NREP: variants seen among roughly 807,000 people sequenced by gnomAD.
The protein encoded by NREP is neuronal regeneration related protein.
NREP carries 5 observed loss-of-function variants against 8.6 expected under a neutral mutation model. That is an observed-to-expected ratio of 0.58 (90% CI 0.30 to 1.22). The LOEUF (loss-of-function observed/expected upper bound fraction) is 1.22, where lower values mean the gene tolerates loss of function less well. Among genes scored for constraint, NREP ranks in the 50% most tolerant of loss-of-function variants. NREP has a pLI of 0.07. For missense variants in NREP, 86 were observed against 82.5 expected (o/e 1.04, Z -0.17); for synonymous variants, 27 against 28.0 (o/e 0.96, Z 0.11).
At chr5:111,830,717 G>A (rs1752747395) in intron 2 of NREP, among the ~76,000 whole-genome samples, 1 of 152,170 alleles carries the variant, frequency 6.6e-6, no homozygotes, top group Admixed American at 6.5e-5. Context: ...AGGAATTTCA[G>A]GGAGATGAAC....
At chr5:111,957,616 T>C (rs574483775) in intron 2 of NREP, among the ~76,000 whole-genome samples, 1 of 151,906 alleles carries the variant, frequency 6.6e-6, no homozygotes, top group Non-Finnish European at 1.5e-5. Context: ...AAAGGATTTA[T>C]AATCCATTTT....
intron 2 of NREP, among the ~76,000 whole-genome samples, chr5:111,773,090 G>C (rs1751274675): frequency 6.6e-6 from 1 of 152,028 alleles, no homozygotes; most frequent in Non-Finnish European, 1.5e-5. Context: ...ACAATAGATT[G>C]TGCAAGTCAT....
intron 2 of NREP, among the ~76,000 whole-genome samples, chr5:111,753,841 C>T (rs960913684): frequency 6.6e-6 from 1 of 151,562 alleles, no homozygotes; most frequent in African/African-American, 2.4e-5. Flanking sequence ...CTTGATTTTG[C>T]CAAAAGGCAG....
intron 2 of NREP, among the ~76,000 whole-genome samples, chr5:111,797,714 G>C (rs777652524): frequency 6.6e-6 from 1 of 152,260 alleles, no homozygotes; most frequent in East Asian, 1.9e-4. Context: ...TGAAATGAGA[G>C]AGCTGGTAGC....
At chr5:111,901,621 G>A (rs1436325979) in intron 2 of NREP, among the ~76,000 whole-genome samples, 3 of 152,030 alleles carry the variant, frequency 2.0e-5, no homozygotes, top group East Asian at 1.9e-4. Flanking sequence ...AAAGTTTTAC[G>A]ATGCAAAATC....
intron 2 of NREP, among the ~76,000 whole-genome samples, chr5:111,772,442 T>G (rs1751253468): frequency 6.6e-6 from 1 of 152,178 alleles, no homozygotes; most frequent in Non-Finnish European, 1.5e-5. Flanking sequence ...AACTTTTGTT[T>G]AAAAAATGTG....
At chr5:111,973,715 T>C (rs1054451488) in intron 2 of NREP, among the ~76,000 whole-genome samples, 5 of 152,244 alleles carry the variant, frequency 3.3e-5, no homozygotes, top group African/African-American at 1.2e-4. Context: ...TCTGTTATTT[T>C]TGTGATTTAG....
intron 2 of NREP, among the ~76,000 whole-genome samples, chr5:111,902,556 A>T (rs897770024): frequency 2.0e-5 from 3 of 152,214 alleles, no homozygotes; most frequent in Non-Finnish European, 4.4e-5. Flanking sequence ...AAGTGGTCCA[A>T]AGTTAAAGCA....
chr5:111,786,683 G>C (rs1182818628), intron 2 of NREP, among the ~76,000 whole-genome samples: 1 of 152,164 alleles, frequency 6.6e-6, no homozygotes, highest in African/African-American at 2.4e-5. Flanking sequence ...TATGGTAAAT[G>C]TACAATTTGT....
At chr5:111,915,238 C>G (rs1561343255) in intron 2 of NREP, among the ~76,000 whole-genome samples, 1 of 152,080 alleles carries the variant, frequency 6.6e-6, no homozygotes. Context: ...AATGAAAGTC[C>G]AGTGTTCTGG....
At chr5:111,952,515 T>C (rs892974318) in intron 2 of NREP, among the ~76,000 whole-genome samples, 5 of 152,180 alleles carry the variant, frequency 3.3e-5, no homozygotes, top group African/African-American at 1.2e-4. Flanking sequence ...GCAGTCCTCT[T>C]CCTTGTGGAT....
At chr5:111,920,770 C>A (rs373539277) in intron 2 of NREP, among the ~76,000 whole-genome samples, 74 of 152,232 alleles carry the variant, frequency 4.9e-4, no homozygotes, top group African/African-American at 1.8e-3. Flanking sequence ...TCCTACTGCA[C>A]ATTTATAAAA....
At chr5:111,751,224 C>T (rs1750341878) in intron 2 of NREP, among the ~76,000 whole-genome samples, 1 of 152,144 alleles carries the variant, frequency 6.6e-6, no homozygotes, top group South Asian at 2.1e-4. Context: ...GAAAGAAATG[C>T]ATATGATCCA....
chr5:111,765,403 T>C (rs896584651), intron 2 of NREP, among the ~76,000 whole-genome samples: 2 of 152,200 alleles, frequency 1.3e-5, no homozygotes, highest in Non-Finnish European at 2.9e-5. Flanking sequence ...AAATCATGAC[T>C]AGACTGCATA....
At chr5:111,777,634 T>C (rs888456423) in intron 2 of NREP, among the ~76,000 whole-genome samples, 1 of 151,876 alleles carries the variant, frequency 6.6e-6, no homozygotes, top group South Asian at 2.1e-4. Context: ...GTAACAAGAG[T>C]GTTTTGAGCT....
rs572465213 is a variant in NREP at position 111,960,944 on chromosome 5, A to T, written c.135+14330T>A. ...CAATCTATGAGCCAAAATAACTTCC[A>T]ACATTATGAAATATTTTTAAAACAT... On this transcript the variant is annotated intron_variant, in intron 2 of 3. Transcript: ENST00000395634. 2.8e-4 allele frequency among the ~76,000 whole-genome samples: 43 copies of T among 152,356 alleles called. No individual in the cohort carries two copies. In the South Asian group the frequency reaches 8.7e-3, roughly 31 times the overall value.
At chr5:111,861,622 G>C (rs1753545865) in intron 2 of NREP, among the ~76,000 whole-genome samples, 1 of 152,246 alleles carries the variant, frequency 6.6e-6, no homozygotes, top group South Asian at 2.1e-4. Flanking sequence ...TATGAGAATA[G>C]AGCAGCTGCT....
At position 111,896,885 on chromosome 5, in the gene NREP, AT is replaced by A. The variant is rs535766443; in HGVS notation, c.135+78388del. Among the ~76,000 whole-genome samples the A allele has an allele frequency of 1.1e-3, 163 of 152,298 alleles. 1 individual carries two copies. The highest frequency in any genetic ancestry group is 3.7e-3 in the African/African-American group (155 of 41,566). ...ACTAACAGAAGATATTTGAGTTACAATATGATTTATTATCCTTAGTCCCAGA... is the reference window on the plus strand; with the variant it reads ...ACTAACAGAAGATATTTGAGTTACAAATGATTTATTATCCTTAGTCCCAGA... On this transcript the variant is annotated intron_variant, in intron 2 of 3. Coordinates refer to the NREP transcript ENST00000395634.
chr5:111,851,502 A>T (rs1753309419), intron 2 of NREP, among the ~76,000 whole-genome samples: 1 of 152,188 alleles, frequency 6.6e-6, no homozygotes, highest in Non-Finnish European at 1.5e-5. Flanking sequence ...AGAGAGAGAC[A>T]GACTGACCAC....
Sources: allele counts gnomAD v4.1 joint callset (sites outside exome capture counted in the v4.1 genomes callset), GRCh38; gene constraint gnomAD v4.1.1; transcripts MANE v1.5; gene names NCBI Gene and HGNC (gene_info 2026-07-23, HGNC 2026-07-21).